The following ACOXL variants were observed in gnomAD, a reference collection of about 807,000 sequenced individuals.
ACOXL encodes acyl-coenzyme A oxidase-like protein.
A neutral mutation model predicts 71.9 loss-of-function variants in ACOXL; 70 were observed. The ratio of observed to expected loss-of-function variants is 0.97; its 90% CI spans 0.80 to 1.19. The LOEUF is 1.19. Among genes scored for constraint, ACOXL ranks in the 50% most tolerant of loss-of-function variants. The pLI is 0.00. For missense variants in ACOXL, 703 were observed against 736.3 expected (o/e 0.95, Z 0.52); for synonymous variants, 253 against 281.6 (o/e 0.90, Z 1.02).
At chr2:111,061,945 G>A (rs1252705171) in intron 16 of ACOXL, among the ~76,000 whole-genome samples, 1 of 151,294 alleles carries the variant, frequency 6.6e-6, no homozygotes, top group African/African-American at 2.4e-5. Flanking sequence ...AAAACAAGGA[G>A]AACAAACAGA....
chr2:111,051,340 CA>C (rs1314521340), intron 16 of ACOXL, among the ~76,000 whole-genome samples: 1 of 152,318 alleles, frequency 6.6e-6, no homozygotes, highest in Admixed American at 6.5e-5. Context: ...TGACTACAGT[CA>C]GCCTGCAGGT....
chr2:111,049,490 G>C (rs1033957285), intron 16 of ACOXL, among the ~76,000 whole-genome samples: 1 of 152,204 alleles, frequency 6.6e-6, no homozygotes, highest in African/African-American at 2.4e-5. Flanking sequence ...AAAGTGACAG[G>C]AGAGTGGGTG....
chr2:110,899,844 G>A (rs2059156282), intron 10 of ACOXL, among the ~76,000 whole-genome samples: 1 of 152,000 alleles, frequency 6.6e-6, no homozygotes, highest in Non-Finnish European at 1.5e-5. Flanking sequence ...ATTTCCCTTG[G>A]GTGAGAACTG....
chr2:111,106,805 G>A (rs548900701), intron 17 of ACOXL, among the ~76,000 whole-genome samples: 5 of 152,272 alleles, frequency 3.3e-5, no homozygotes, highest in African/African-American at 1.2e-4. Context: ...TTATTTCTGG[G>A]TGGAAGTGGG....
chr2:111,100,667 G>C (rs545759859), intron 17 of ACOXL: 1 of 153,084 alleles, frequency 6.5e-6, no homozygotes, highest in Non-Finnish European at 1.5e-5. Context: ...TTTCATTTTG[G>C]TGTCCCCCTG....
intron 16 of ACOXL, among the ~76,000 whole-genome samples, chr2:111,060,308 T>C (rs2066749082): frequency 6.6e-6 from 1 of 152,042 alleles, no homozygotes; most frequent in Admixed American, 6.5e-5. Flanking sequence ...GTCAAGACTT[T>C]AACCACTGGC....
chr2:111,114,933 T>C (rs574557387), intron 17 of ACOXL, among the ~76,000 whole-genome samples: 4 of 152,288 alleles, frequency 2.6e-5, no homozygotes, highest in African/African-American at 9.6e-5. Context: ...GGCTGAGTGC[T>C]TCTGCTTTCT....
At chr2:111,022,738 G>A (rs1312498904) in intron 14 of ACOXL, among the ~76,000 whole-genome samples, 1 of 152,198 alleles carries the variant, frequency 6.6e-6, no homozygotes, top group African/African-American at 2.4e-5. Flanking sequence ...AGGCAGGGAG[G>A]GCTCCTAGGG....
intron 14 of ACOXL, among the ~76,000 whole-genome samples, chr2:111,016,302 G>A (rs776507879): frequency 6.6e-6 from 1 of 152,078 alleles, no homozygotes; most frequent in Non-Finnish European, 1.5e-5. Flanking sequence ...CCTGGTGGGG[G>A]AGTTCAGAGA....
intron 9 of ACOXL, among the ~76,000 whole-genome samples, chr2:110,824,637 T>C (rs1256535342): frequency 6.6e-6 from 1 of 152,252 alleles, no homozygotes; most frequent in African/African-American, 2.4e-5. Flanking sequence ...TTTCAGATAC[T>C]GTATTTTTTC....
At chr2:110,866,366 G>A (rs554126350) in intron 10 of ACOXL, among the ~76,000 whole-genome samples, 23 of 152,144 alleles carry the variant, frequency 1.5e-4, no homozygotes, top group Non-Finnish European at 3.2e-4. Flanking sequence ...GGGAGAAGAC[G>A]GGCTTTGGAA....
chr2:111,077,924 A>G (rs2067685306), intron 16 of ACOXL, among the ~76,000 whole-genome samples: 1 of 152,200 alleles, frequency 6.6e-6, no homozygotes, highest in African/African-American at 2.4e-5. Context: ...GGGGTTCACT[A>G]AACTTCTGAA....
intron 11 of ACOXL, among the ~76,000 whole-genome samples, chr2:110,914,981 T>G (rs2059784884): frequency 6.6e-6 from 1 of 152,220 alleles, no homozygotes; most frequent in Non-Finnish European, 1.5e-5. Context: ...CCTCAAGCAT[T>G]TATCCTTTGT....
intron 13 of ACOXL, among the ~76,000 whole-genome samples, chr2:110,990,971 A>G (rs758580594): frequency 1.3e-5 from 2 of 152,160 alleles, no homozygotes; most frequent in Non-Finnish European, 2.9e-5. Context: ...ATTTAGATTT[A>G]TGTCAAAGTT....
chr2:110,820,799 T>A (rs1688506512), intron 9 of ACOXL, among the ~76,000 whole-genome samples: 1 of 152,098 alleles, frequency 6.6e-6, no homozygotes, highest in Admixed American at 6.5e-5. Flanking sequence ...ATTTGGAAAT[T>A]CACCAATTGG....
At chr2:110,804,122 G>T (rs112061255) in intron 8 of ACOXL, among the ~76,000 whole-genome samples, 70 of 152,004 alleles carry the variant, frequency 4.6e-4, no homozygotes, top group African/African-American at 1.7e-3. Context: ...GAGTACCTGG[G>T]ATTACAGGCA....
At chr2:110,876,434 C>T (rs12465068) in intron 10 of ACOXL, among the ~76,000 whole-genome samples, 45,384 of 151,998 alleles carry the variant, frequency 0.3, 7,222 homozygotes, top group Non-Finnish European at 0.35. Flanking sequence ...GTGCTTCCAG[C>T]CCAGGCTGAG....
chr2:110,860,875 ATCCACTGGT>A (rs773558748), intron 10 of ACOXL, among the ~76,000 whole-genome samples: 71 of 152,316 alleles, frequency 4.7e-4, no homozygotes, highest in Middle Eastern at 3.4e-3. Context: ...GCCCCCTGTT[ATCCACTGGT>A]TCCCCTGTTC....
intron 11 of ACOXL, among the ~76,000 whole-genome samples, chr2:110,922,478 A>C (rs2060116320): frequency 6.6e-6 from 1 of 152,164 alleles, no homozygotes; most frequent in African/African-American, 2.4e-5. Context: ...TCAGTCAACT[A>C]TTTGCAAATT....
Sources: allele counts gnomAD v4.1 joint callset (sites outside exome capture counted in the v4.1 genomes callset), GRCh38; gene constraint gnomAD v4.1.1; transcripts MANE v1.5; gene names NCBI Gene and HGNC (gene_info 2026-07-23, HGNC 2026-07-21).